The following EFHC2 variants were observed in gnomAD, a reference collection of about 807,000 sequenced individuals.
EFHC2 encodes the protein EF-hand domain-containing family member C2.
Under a neutral mutation model 52.7 loss-of-function variants are expected in EFHC2, and 18 were observed. The observed-to-expected ratio is 0.34, with a 90% CI of 0.24 to 0.51. The LOEUF (loss-of-function observed/expected upper bound fraction) is 0.51. Ranked by LOEUF, EFHC2 falls within the 20% of genes least tolerant of loss-of-function variation. The probability of loss-of-function intolerance (pLI) is 0.97; values close to 1 mark genes in which losing one functional copy is unlikely to be tolerated. For synonymous variants in EFHC2, 203 were observed against 204.1 expected, an observed-to-expected ratio of 0.99 and a Z score of 0.04; for missense variants, 513 against 562.5, an observed-to-expected ratio of 0.91 and a Z score of 0.89.
chrX:44,182,440 C>A (rs1421057523), intron 11 of EFHC2, among the ~76,000 whole-genome samples: 3 of 112,174 alleles, frequency 2.7e-5, no homozygotes, highest in Non-Finnish European at 5.6e-5. Flanking sequence ...GTTTTCAATT[C>A]TTTGGGGTAT....
At chrX:44,191,139 C>T (rs930762636) in intron 11 of EFHC2, among the ~76,000 whole-genome samples, 10 of 112,121 alleles carry the variant, frequency 8.9e-5, no homozygotes, top group African/African-American at 1.6e-4. Context: ...TTACAATGTT[C>T]GCTCTGCAAA....
intron 14 of EFHC2, among the ~76,000 whole-genome samples, chrX:44,150,718 G>A (rs192503622): frequency 2.3e-4 from 26 of 111,634 alleles, no homozygotes; most frequent in African/African-American, 3.3e-5. Flanking sequence ...AGATGCTGCT[G>A]CAGGAGAACA....
At chrX:44,259,924 C>G (rs1355006513) in intron 4 of EFHC2, among the ~76,000 whole-genome samples, 1 of 111,837 alleles carries the variant, frequency 8.9e-6, no homozygotes, top group Non-Finnish European at 1.9e-5. Flanking sequence ...AATAATTCTG[C>G]TGGGGCTGGG....
intron 2 of EFHC2, among the ~76,000 whole-genome samples, chrX:44,279,437 A>G (rs1461602257): frequency 1.8e-5 from 2 of 112,304 alleles, no homozygotes; most frequent in Non-Finnish European, 3.8e-5. Flanking sequence ...TTGAAAGAAG[A>G]AAAACAACTG....
chrX:44,279,999 A>C (rs2037690060), intron 2 of EFHC2, among the ~76,000 whole-genome samples: 6 of 95,216 alleles, frequency 6.3e-5, no homozygotes, highest in South Asian at 5.3e-4. Flanking sequence ...CCAGCCCCCC[A>C]ACCCCCGCCA....
intron 11 of EFHC2, among the ~76,000 whole-genome samples, chrX:44,197,362 T>C (rs1166445254): frequency 4.5e-5 from 5 of 112,036 alleles, no homozygotes; most frequent in Admixed American, 1.9e-4. Flanking sequence ...TAAAAAGATA[T>C]GCTGGGTAGC....
intron 11 of EFHC2, among the ~76,000 whole-genome samples, chrX:44,226,236 G>A (rs2037231198): frequency 1.8e-5 from 2 of 111,888 alleles, no homozygotes; most frequent in Non-Finnish European, 3.8e-5. Context: ...CAGGATGAGA[G>A]TTAAGAAAAA....
chrX:44,297,728 CAAAA>C (rs761598774), intron 2 of EFHC2, among the ~76,000 whole-genome samples: 1 of 41,456 alleles, frequency 2.4e-5, no homozygotes, highest in African/African-American at 8.1e-5. Flanking sequence ...GACTCCATCT[CAAAA>C]AAAAAAAAAA....
intron 10 of EFHC2, among the ~76,000 whole-genome samples, chrX:44,231,453 A>C (rs1602165870): frequency 2.9e-5 from 3 of 101,748 alleles, no homozygotes; most frequent in African/African-American, 1.1e-4. Flanking sequence ...CTCCCTACCC[A>C]CCCCTCCTCC....
At chrX:44,250,155 C>A (rs371627314) in intron 5 of EFHC2, 39 bp downstream of exon 5, 2 of 1,187,393 alleles carry the variant, frequency 1.7e-6, no homozygotes, top group Middle Eastern at 2.4e-4. Context: ...AGTCTCTTGA[C>A]CCACAAGCAA....
At chrX:44,237,768 C>A (rs2037331136) in intron 8 of EFHC2, among the ~76,000 whole-genome samples, 1 of 111,464 alleles carries the variant, frequency 9.0e-6, no homozygotes, top group South Asian at 3.8e-4. Context: ...ATCCAGCATT[C>A]TCTTGGTTGT....
chrX:44,302,186 G>A (rs7882135), intron 2 of EFHC2, among the ~76,000 whole-genome samples: 7,320 of 111,351 alleles, frequency 0.066, 503 homozygotes, highest in African/African-American at 0.21. Context: ...AGTGGTAAGA[G>A]TCTTAAAATT....
At chrX:44,237,439 G>T (rs1602169318) in intron 8 of EFHC2, among the ~76,000 whole-genome samples, 1 of 111,630 alleles carries the variant, frequency 9.0e-6, no homozygotes, top group Admixed American at 9.5e-5. Flanking sequence ...ACTCTTGGAT[G>T]GTTGTTTTAA....
At chrX:44,321,061 C>G (rs970665101) in intron 1 of EFHC2, among the ~76,000 whole-genome samples, 7 of 111,578 alleles carry the variant, frequency 6.3e-5, no homozygotes, top group African/African-American at 2.3e-4. Context: ...TGATAGTGGC[C>G]TAGACCAGGT....
intron 11 of EFHC2, among the ~76,000 whole-genome samples, chrX:44,205,472 T>C (rs1449256161): frequency 2.7e-5 from 3 of 109,215 alleles, no homozygotes; most frequent in African/African-American, 1.0e-4. Context: ...CCATTTCACA[T>C]GTAATGACAT....
chrX:44,242,331 T>G (rs1484830976), intron 7 of EFHC2, 42 bp from the exon 8 acceptor site: 10 of 1,163,434 alleles, frequency 8.6e-6, no homozygotes, highest in Non-Finnish European at 1.2e-5. Context: ...ATATTTTTTT[T>G]GCCCTGATTA....
chrX:44,307,429 A>G (rs1461968776), intron 2 of EFHC2, among the ~76,000 whole-genome samples: 1 of 111,830 alleles, frequency 8.9e-6, no homozygotes, highest in African/African-American at 3.3e-5. Context: ...TTAGGTAACA[A>G]TAACTTAAAA....
chrX:44,320,305 T>A (rs2038010206), intron 1 of EFHC2, among the ~76,000 whole-genome samples: 1 of 111,572 alleles, frequency 9.0e-6, no homozygotes, highest in Non-Finnish European at 1.9e-5. Context: ...AGAATAGTGA[T>A]CCAGGAAGCA....
intron 14 of EFHC2, among the ~76,000 whole-genome samples, chrX:44,156,936 G>C (rs923823063): frequency 9.0e-6 from 1 of 111,253 alleles, no homozygotes; most frequent in African/African-American, 3.3e-5. Context: ...ATAATGGAGT[G>C]AGAGTTAAAT....
Sources: allele counts gnomAD v4.1 joint callset (sites outside exome capture counted in the v4.1 genomes callset), GRCh38; gene constraint gnomAD v4.1.1; transcripts MANE v1.5; gene names NCBI Gene and HGNC (gene_info 2026-07-23, HGNC 2026-07-21).